Variants in STXBP5L observed in about 807,000 individuals in gnomAD.
The protein encoded by STXBP5L is syntaxin-binding protein 5-like.
STXBP5L carries 65 observed loss-of-function variants against 144.5 expected under a neutral mutation model. That is an observed-to-expected ratio of 0.45 (90% CI 0.37 to 0.55). The LOEUF (loss-of-function observed/expected upper bound fraction) is 0.55. Among genes scored for constraint, STXBP5L ranks in the 20% least tolerant of loss-of-function variants. STXBP5L has a pLI of 0.00. For synonymous variants in STXBP5L, 505 were observed against 469.6 expected, an observed-to-expected ratio of 1.08 and a Z score of -0.97; for missense variants, 1,298 against 1,405.5, an observed-to-expected ratio of 0.92 and a Z score of 1.22.
intron 9 of STXBP5L, among the ~76,000 whole-genome samples, chr3:121,186,015 C>T (rs1028036929): frequency 6.6e-6 from 1 of 152,108 alleles, no homozygotes; most frequent in South Asian, 2.1e-4. Flanking sequence ...TCCTTCATGT[C>T]CCTTGTAAGT....
chr3:121,030,606 C>T (rs1001479060), intron 3 of STXBP5L, among the ~76,000 whole-genome samples: 2 of 151,982 alleles, frequency 1.3e-5, no homozygotes, highest in African/African-American at 4.8e-5. Context: ...TGCAGCAAAC[C>T]ACCATGGCAC....
intron 3 of STXBP5L, among the ~76,000 whole-genome samples, chr3:120,972,990 T>C (rs116414811): frequency 0.016 from 2,408 of 152,024 alleles, 34 homozygotes; most frequent in Non-Finnish European, 0.028. Context: ...TGTTGAGGAG[T>C]TTTTGCAACT....
chr3:121,229,363 A>G (rs992069902), intron 11 of STXBP5L, among the ~76,000 whole-genome samples: 4 of 152,064 alleles, frequency 2.6e-5, no homozygotes, highest in African/African-American at 9.7e-5. Context: ...TTTTTTCTCA[A>G]TAAAAGACAT....
At chr3:121,094,749 A>G (rs2043023003) in intron 5 of STXBP5L, among the ~76,000 whole-genome samples, 1 of 152,146 alleles carries the variant, frequency 6.6e-6, no homozygotes, top group Non-Finnish European at 1.5e-5. Context: ...GTGTCTTTTA[A>G]TTGGAGCATG....
chr3:121,006,619 T>C (rs1033804681), intron 3 of STXBP5L, among the ~76,000 whole-genome samples: 2 of 152,192 alleles, frequency 1.3e-5, no homozygotes, highest in Non-Finnish European at 2.9e-5. Flanking sequence ...ATTTTGCTTG[T>C]TAGTTGATAC....
At chr3:121,144,883 T>G (rs9860056) in intron 7 of STXBP5L, among the ~76,000 whole-genome samples, 35,299 of 151,896 alleles carry the variant, frequency 0.23, 4,230 homozygotes, top group Non-Finnish European at 0.26. Context: ...GAGGATATTA[T>G]GTGAAGTGAA....
intron 4 of STXBP5L, among the ~76,000 whole-genome samples, chr3:121,044,519 G>A (rs1453363444): frequency 6.6e-6 from 1 of 152,084 alleles, no homozygotes; most frequent in African/African-American, 2.4e-5. Flanking sequence ...AATATAAAAA[G>A]CCTTTTAGGT....
intron 22 of STXBP5L, among the ~76,000 whole-genome samples, chr3:121,385,796 CTT>C (rs2046414552): frequency 6.6e-6 from 1 of 152,060 alleles, no homozygotes; most frequent in South Asian, 2.1e-4. Context: ...CTAAGTCAAA[CTT>C]ATTTTCCAGC....
chr3:121,298,066 A>G (rs1160403522), intron 19 of STXBP5L, among the ~76,000 whole-genome samples: 1 of 152,156 alleles, frequency 6.6e-6, no homozygotes, highest in Non-Finnish European at 1.5e-5. Context: ...GCTGTTTTCC[A>G]TCTCAGCTGT....
intron 3 of STXBP5L, among the ~76,000 whole-genome samples, chr3:121,000,713 C>T (rs1943703999): frequency 6.6e-6 from 1 of 152,300 alleles, no homozygotes. Flanking sequence ...TGCCAGAGGT[C>T]TTGCACTGAT....
At chr3:121,176,865 CA>C (rs1464386887) in intron 9 of STXBP5L, among the ~76,000 whole-genome samples, 1 of 151,154 alleles carries the variant, frequency 6.6e-6, no homozygotes, top group Non-Finnish European at 1.5e-5. Context: ...GAAAATATAA[CA>C]AAAGTTTAAT....
At chr3:120,952,062 A>T (rs1291230693) in intron 2 of STXBP5L, among the ~76,000 whole-genome samples, 7 of 150,682 alleles carry the variant, frequency 4.6e-5, no homozygotes, top group African/African-American at 1.7e-4. Flanking sequence ...AGAACAAAAA[A>T]CCAAACACCG....
intron 3 of STXBP5L, among the ~76,000 whole-genome samples, chr3:121,028,315 ATTTTC>A (rs1946102020): frequency 1.3e-5 from 2 of 151,994 alleles, no homozygotes; most frequent in South Asian, 2.1e-4. Context: ...TTTTTGCAGT[ATTTTC>A]TTTTCTCTAG....
chr3:121,004,946 G>A (rs1379611253), intron 3 of STXBP5L, among the ~76,000 whole-genome samples: 8 of 152,070 alleles, frequency 5.3e-5, no homozygotes, highest in African/African-American at 1.9e-4. Context: ...TCCTGTATTC[G>A]GTTTGCCAGT....
At chr3:121,370,875 CT>C in intron 20 of STXBP5L, among the ~76,000 whole-genome samples, 1 of 152,272 alleles carries the variant, frequency 6.6e-6, no homozygotes, top group East Asian at 1.9e-4. Flanking sequence ...ACATTCTTTC[CT>C]GCACTGGCTG....
intron 9 of STXBP5L, among the ~76,000 whole-genome samples, chr3:121,194,946 T>C (rs2047860440): frequency 7.5e-6 from 1 of 133,854 alleles, no homozygotes; most frequent in African/African-American, 2.8e-5. Flanking sequence ...AGATGAAGTC[T>C]AGCTCTGTCA....
intron 2 of STXBP5L, among the ~76,000 whole-genome samples, chr3:120,934,244 T>A (rs1710133709): frequency 6.6e-6 from 1 of 152,072 alleles, no homozygotes; most frequent in Non-Finnish European, 1.5e-5. Context: ...CTCATATGAC[T>A]TCTTTGACCC....
chr3:121,395,343 G>A (rs2046702518), intron 22 of STXBP5L, among the ~76,000 whole-genome samples: 1 of 152,142 alleles, frequency 6.6e-6, no homozygotes, highest in African/African-American at 2.4e-5. Context: ...AATTCAAAAT[G>A]ATGAAAATTT....
At chr3:121,056,239 T>A (rs1233799294) in intron 5 of STXBP5L, among the ~76,000 whole-genome samples, 1 of 152,138 alleles carries the variant, frequency 6.6e-6, no homozygotes, top group Non-Finnish European at 1.5e-5. Flanking sequence ...AATAAAACAT[T>A]CATATTTTAG....
Sources: gnomAD v4.1 joint callset for allele counts (sites outside exome capture counted in the v4.1 genomes callset) on GRCh38, gnomAD v4.1.1 for gene constraint, MANE v1.5 for transcripts, NCBI Gene and HGNC (gene_info 2026-07-23, HGNC 2026-07-21) for gene names.